Variants in PHF21A observed in about 807,000 individuals in gnomAD.
PHF21A encodes BHC80a.
PHF21A carries 11 observed loss-of-function variants against 82.5 expected under a neutral mutation model. That is an observed-to-expected ratio of 0.13 (90% CI 0.08 to 0.22). The LOEUF is 0.22. PHF21A is among the 10% of genes least tolerant of loss of function. PHF21A has a pLI of 1.00. For missense variants in PHF21A, 579 were observed against 837.8 expected (o/e 0.69, Z 3.81); for synonymous variants, 297 against 302.8 (o/e 0.98, Z 0.20).
chr11:46,033,493 G>A (rs2095911563), intron 6 of PHF21A, among the ~76,000 whole-genome samples: 1 of 152,062 alleles, frequency 6.6e-6, no homozygotes. Context: ...TGAACTCCTG[G>A]GCTCAAGCAA....
At chr11:45,947,243 C>G in intron 14 of PHF21A, among the ~76,000 whole-genome samples, 1 of 152,208 alleles carries the variant, frequency 6.6e-6, no homozygotes, top group East Asian at 1.9e-4. Context: ...AGTCAGGGCC[C>G]TTGTCTTCTA....
chr11:46,059,203 T>C (rs2139425231), intron 6 of PHF21A, among the ~76,000 whole-genome samples: 1 of 152,274 alleles, frequency 6.6e-6, no homozygotes, highest in East Asian at 1.9e-4. Flanking sequence ...ACTGCAGAGC[T>C]AGGCATACAA....
chr11:46,026,869 C>G (rs1299701502), intron 6 of PHF21A: 1 of 152,192 alleles, frequency 6.6e-6, no homozygotes, highest in African/African-American at 2.4e-5. Context: ...CTTTAAATGC[C>G]TGGCCCACCA....
At chr11:45,960,183 AC>A (rs558614332) in intron 10 of PHF21A, among the ~76,000 whole-genome samples, 86 of 152,310 alleles carry the variant, frequency 5.6e-4, no homozygotes, top group African/African-American at 1.9e-3. Context: ...CTAGGTATAT[AC>A]CCTAAAGAAC....
chr11:46,043,608 G>A (rs182073647), intron 6 of PHF21A, among the ~76,000 whole-genome samples: 14 of 146,674 alleles, frequency 9.5e-5, no homozygotes, highest in Non-Finnish European at 1.8e-4. Flanking sequence ...GTATTAACAC[G>A]TTACAAAGTG....
Position 45,971,352 on chromosome 11 carries a change from C to A in PHF21A, c.376G>T (p.Ala126Ser). Residue 126 changes from alanine (A) to serine (S), a missense_variant, in exon 8 of 19, where the codon GCT becomes TCT. Physicochemically the swap from Ala to Ser is moderately conservative, Grantham distance 99. This residue lies in a region of PHF21A where 410 missense variants were observed against 642.1 expected (regional missense o/e 0.64). Transcript: ENST00000676320. ...AGTGTCTTTGTGGTAATCATAGAAGCTGTAGTTACAGTCTTCTAGGAGACA... is the reference window on the plus strand; with the variant it reads ...AGTGTCTTTGTGGTAATCATAGAAGATGTAGTTACAGTCTTCTAGGAGACA... ...LTASQKTVTT[A>S]SMITTKTLPL... is the part of the protein sequence containing the mutation. 1 of 1,613,982 alleles carries A rather than the reference C, an allele frequency of 6.2e-7. No individual in the cohort carries two copies. Among genetic ancestry groups the A allele is most frequent in the South Asian group, 1.1e-5 (1 of 91,064 alleles).
chr11:45,981,392 C>CA (rs59866051), intron 6 of PHF21A, among the ~76,000 whole-genome samples: 1,867 of 60,214 alleles, frequency 0.031, 96 homozygotes, highest in Middle Eastern at 0.047. Context: ...AACCCTGTCT[C>CA]AAAAAAAAAA....
chr11:46,079,182 G>C lies in PHF21A; in HGVS notation c.55-16C>G. On this transcript the variant is annotated splice_polypyrimidine_tract_variant and intron_variant, in intron 4 of 18. Coordinates refer to ENST00000676320, the MANE Select transcript of PHF21A (RefSeq NM_001352027.3). Reference sequence around the variant, plus strand: ...CAACCAGTTTCTGGTAATAAAGAGAGAAAAAGAGCCATCAGTCTTACATAT... The same window carrying C: ...CAACCAGTTTCTGGTAATAAAGAGACAAAAAGAGCCATCAGTCTTACATAT... 1 of 1,591,616 alleles carries C rather than the reference G, an allele frequency of 6.3e-7. No homozygotes were observed. Among genetic ancestry groups the C allele is most frequent in the Non-Finnish European group, 8.6e-7 (1 of 1,164,820 alleles).
chr11:45,942,503 C>G (rs572041474), intron 15 of PHF21A, among the ~76,000 whole-genome samples: 18 of 152,308 alleles, frequency 1.2e-4, no homozygotes, highest in African/African-American at 4.3e-4. Context: ...TTGGCGCTAG[C>G]AAACAAGATT....
intron 1 of PHF21A, chr11:46,118,033 G>C (rs1224051865): frequency 1.3e-5 from 2 of 152,178 alleles, no homozygotes; most frequent in African/African-American, 4.8e-5. Flanking sequence ...TTATCTTGCT[G>C]TAGCACCTCC....
intron 6 of PHF21A, among the ~76,000 whole-genome samples, chr11:46,029,927 A>G (rs2095831839): frequency 6.6e-6 from 1 of 152,246 alleles, no homozygotes; most frequent in Admixed American, 6.5e-5. Flanking sequence ...AATACTTACA[A>G]AAGTGTTTTA....
intron 6 of PHF21A, among the ~76,000 whole-genome samples, chr11:46,052,260 C>A (rs2096379101): frequency 6.6e-6 from 1 of 152,194 alleles, no homozygotes; most frequent in African/African-American, 2.4e-5. Flanking sequence ...CCAGAGGCAA[C>A]CTCTGCCAGT....
chr11:45,965,279 G>A, intron 10 of PHF21A, 36 bp downstream of exon 10: 1 of 1,593,298 alleles, frequency 6.3e-7, no homozygotes, highest in Non-Finnish European at 8.6e-7. Flanking sequence ...CAACGACAAG[G>A]CTACTGCCCA....
chr11:45,954,850 A>G lies in PHF21A; in HGVS notation c.997-1225T>C, dbSNP rs892726946. 9.2e-5 allele frequency among the ~76,000 whole-genome samples: 14 copies of G among 152,372 alleles called. No homozygotes were observed. In the East Asian group the frequency reaches 1.2e-3, roughly 13 times the overall value. On this transcript the variant is annotated intron_variant, in intron 10 of 18. Transcript: ENST00000676320. ...CTGATTATTGATGGGCAGGGGCTAC[A>G]TGAGACTTTGGTCCTACAAACAAGA...
chr11:46,017,281 A>G (rs965248842), intron 6 of PHF21A, among the ~76,000 whole-genome samples: 1 of 152,148 alleles, frequency 6.6e-6, no homozygotes, highest in African/African-American at 2.4e-5. Flanking sequence ...TACATCTATT[A>G]ATTTTTAACA....
At position 45,934,223 on chromosome 11, in the gene PHF21A, T is replaced by C. The variant is rs149588947; in HGVS notation, c.1791A>G (p.Lys597=). Residue 597 remains lysine, a splice_region_variant and synonymous_variant, in exon 19 of 19, where the codon AAA becomes AAG. Transcript: ENST00000676320. ...GGATGGTGTTCTTCATTTCCATGCA[T>C]TTCTGCAGCAAATGACAAGGGCAGT... The part of the protein sequence containing the change: ...KVKQLSNSIS[K]CMEMKNTILA... 1.2e-6 allele frequency: 2 copies of C among 1,611,854 alleles called. No individual in the cohort carries two copies. Among genetic ancestry groups the C allele is most frequent in the Admixed American group, 1.7e-5 (1 of 59,970 alleles).
At chr11:46,015,626 ATGTTT>A (rs1351253886) in intron 6 of PHF21A, among the ~76,000 whole-genome samples, 8 of 152,170 alleles carry the variant, frequency 5.3e-5, no homozygotes, top group Admixed American at 5.2e-4. Flanking sequence ...TTTTATCCTT[ATGTTT>A]TAAGTTTTCT....
intron 6 of PHF21A, among the ~76,000 whole-genome samples, chr11:46,065,471 A>T (rs1194349759): frequency 6.6e-6 from 1 of 152,212 alleles, no homozygotes; most frequent in Non-Finnish European, 1.5e-5. Flanking sequence ...CAGAATGAAT[A>T]TGGGTCCTGA....
chr11:46,079,498 T>C (rs1041489296), intron 4 of PHF21A, among the ~76,000 whole-genome samples: 4 of 152,174 alleles, frequency 2.6e-5, no homozygotes, highest in South Asian at 4.1e-4. Flanking sequence ...TGTCAATGTC[T>C]AGAGTCCCAA....
Sources: allele counts gnomAD v4.1 joint callset (sites outside exome capture counted in the v4.1 genomes callset), GRCh38; gene constraint gnomAD v4.1.1; regional missense constraint gnomAD v4.1.1; transcripts MANE v1.5; gene names NCBI Gene and HGNC (gene_info 2026-07-23, HGNC 2026-07-21).